ADAM2: variants seen among roughly 807,000 people sequenced by gnomAD.
ADAM2 encodes the protein disintegrin and metalloproteinase domain-containing protein 2.
Under a neutral mutation model 99.3 loss-of-function variants are expected in ADAM2, and 101 were observed. The ratio of observed to expected loss-of-function variants is 1.02; its 90% CI spans 0.87 to 1.20. The LOEUF is 1.20. Among genes scored for constraint, ADAM2 ranks in the 50% most tolerant of loss-of-function variants. The pLI, the probability that ADAM2 is intolerant of heterozygous loss-of-function variation, is 0.00. For synonymous variants in ADAM2, 323 were observed against 287.6 expected (o/e 1.12, Z -1.25); for missense variants, 948 against 878.7 (o/e 1.08, Z -1.00).
chr8:39,829,961 A>G lies in ADAM2; in HGVS notation c.188+3983T>C, dbSNP rs548849414. 7.2e-5 allele frequency among the ~76,000 whole-genome samples: 11 copies of G among 152,230 alleles called. No homozygotes were observed. The South Asian group carries it at 2.3e-3, about 32-fold the overall frequency. On this transcript the variant is annotated intron_variant, in intron 3 of 20. Coordinates refer to ENST00000265708, the MANE Select transcript of ADAM2 (RefSeq NM_001464.5). ...GATAATAAATTCTAAATAAAATCAG[A>G]GAAATGGATATCACAACAATCCAGA... is the stretch of plus-strand genomic sequence containing the variant.
At chr8:39,803,615 T>G (rs1804307711) in intron 7 of ADAM2, among the ~76,000 whole-genome samples, 2 of 152,216 alleles carry the variant, frequency 1.3e-5, no homozygotes. Context: ...TGATGCCTCG[T>G]TCATTAATTG....
chr8:39,836,693 T>TTC (rs1408264228), intron 2 of ADAM2, among the ~76,000 whole-genome samples: 1 of 151,556 alleles, frequency 6.6e-6, no homozygotes, highest in Non-Finnish European at 1.5e-5. Flanking sequence ...AAAGAAAGAG[T>TTC]TCTAATCATT....
At chr8:39,800,069 G>A (rs902220801) in intron 7 of ADAM2, among the ~76,000 whole-genome samples, 13 of 150,862 alleles carry the variant, frequency 8.6e-5, no homozygotes, top group African/African-American at 3.0e-4. Flanking sequence ...CCTGTCACAT[G>A]GTGCTATTTG....
chr8:39,784,834 G>C (rs1312107790), intron 10 of ADAM2, among the ~76,000 whole-genome samples: 2 of 152,106 alleles, frequency 1.3e-5, no homozygotes, highest in Non-Finnish European at 2.9e-5. Flanking sequence ...TATGTTGTTG[G>C]CCATTTGTAT....
chr8:39,779,270 G>A (rs938270648), intron 10 of ADAM2, among the ~76,000 whole-genome samples: 2 of 152,024 alleles, frequency 1.3e-5, no homozygotes, highest in African/African-American at 4.8e-5. Context: ...GACCTTTTTG[G>A]CTTGTGATAG....
chr8:39,826,603 G>A (rs1805411427), intron 3 of ADAM2, among the ~76,000 whole-genome samples: 1 of 151,788 alleles, frequency 6.6e-6, no homozygotes, highest in African/African-American at 2.4e-5. Context: ...GGCGCCTGTA[G>A]TCCCAGCTAC....
intron 1 of ADAM2, among the ~76,000 whole-genome samples, chr8:39,837,733 T>G (rs1805900582): frequency 1.3e-5 from 2 of 152,164 alleles, no homozygotes; most frequent in Admixed American, 1.3e-4. Flanking sequence ...AGTATTGCCC[T>G]GTAGGTAGGA....
chr8:39,801,555 T>C (rs1411683863), intron 7 of ADAM2, among the ~76,000 whole-genome samples: 1 of 152,120 alleles, frequency 6.6e-6, no homozygotes, highest in Non-Finnish European at 1.5e-5. Flanking sequence ...GGAGAGGGTG[T>C]GTTTTACTAG....
At chr8:39,833,622 C>A (rs1805702550) in intron 3 of ADAM2, among the ~76,000 whole-genome samples, 2 of 151,854 alleles carry the variant, frequency 1.3e-5, no homozygotes. Context: ...TTGAAATATA[C>A]CTTGAATATA....
intron 6 of ADAM2, among the ~76,000 whole-genome samples, chr8:39,813,952 A>C (rs1296505669): frequency 6.6e-6 from 1 of 151,764 alleles, no homozygotes; most frequent in Non-Finnish European, 1.5e-5. Context: ...ATATGTAAAT[A>C]AATGTGTGTG....
chr8:39,833,869 T>C (rs1217690549), intron 3 of ADAM2, 75 bp downstream of exon 3: 3 of 822,562 alleles, frequency 3.6e-6, no homozygotes, highest in Non-Finnish European at 6.2e-6. Flanking sequence ...TACAAAATAA[T>C]TACATTCTGG....
chr8:39,754,275 G>A (rs1333793837), intron 16 of ADAM2, among the ~76,000 whole-genome samples: 1 of 152,144 alleles, frequency 6.6e-6, no homozygotes, highest in Admixed American at 6.5e-5. Context: ...TGTAAAGGAG[G>A]ATCACAAACA....
intron 7 of ADAM2, among the ~76,000 whole-genome samples, chr8:39,791,076 G>A (rs942126384): frequency 6.6e-6 from 1 of 151,416 alleles, no homozygotes. Flanking sequence ...AAAAAAGGAT[G>A]TAAGGCCTCG....
chr8:39,771,619 C>G (rs574865501), intron 11 of ADAM2, among the ~76,000 whole-genome samples: 1 of 151,964 alleles, frequency 6.6e-6, no homozygotes. Flanking sequence ...TGGATTATCA[C>G]AAGAAAATGT....
chr8:39,769,680 AGTCTGTGAGT>A lies in ADAM2; in HGVS notation c.1029-115_1029-106del, dbSNP rs1373895622. 3 of 669,560 alleles carry A rather than the reference AGTCTGTGAGT, an allele frequency of 4.5e-6. No individual in the cohort carries two copies. The African/African-American group carries it at 5.4e-5, about 12-fold the overall frequency. 41.5% of individuals were successfully genotyped at this position (669,560 alleles called of 1,614,324 possible). A position where few individuals can be genotyped will look rare whatever the true frequency, so the allele number is the denominator to read the frequency against. On this transcript the variant is annotated intron_variant, in intron 11 of 20. Transcript: ENST00000265708. ...CATTCCACAACAGACCAAATTCCCA[AGTCTGTGAGT>A]GTCAATGCTTTCAATCTCTGTGCAT...
At chr8:39,796,020 CAGAAAT>C (rs950299097) in intron 7 of ADAM2, among the ~76,000 whole-genome samples, 3 of 151,784 alleles carry the variant, frequency 2.0e-5, no homozygotes, top group Non-Finnish European at 2.9e-5. Flanking sequence ...GAACATGTGT[CAGAAAT>C]AGAGTATATA....
intron 19 of ADAM2, 89 bp from the exon 20 acceptor site, chr8:39,744,982 G>T: frequency 1.9e-6 from 2 of 1,045,934 alleles, no homozygotes; most frequent in South Asian, 1.6e-5. Context: ...AAACAGTTCT[G>T]AATTTTTACC....
At position 39,824,894 on chromosome 8, in the gene ADAM2, G is replaced by T; in HGVS notation, c.192C>A (p.Asn64Lys). The part of the protein sequence containing the change: ...KPYTVNLMQK[N>K]FLPHNFRVYS... Reference sequence around the variant, plus strand: ...AAACTCTAAAATTATGGGGTAAAAAGTTTCTGTAACATAAAGATAAAATGG... The same window carrying T: ...AAACTCTAAAATTATGGGGTAAAAATTTTCTGTAACATAAAGATAAAATGG... Residue 64 changes from asparagine (N) to lysine (K), a missense_variant, in exon 4 of 21, where the codon AAC (asparagine) becomes AAA (lysine). Coordinates refer to ENST00000265708, the MANE Select transcript of ADAM2 (RefSeq NM_001464.5). 8 of 1,431,364 alleles carry T rather than the reference G, an allele frequency of 5.6e-6. No homozygotes were observed. The highest frequency in any genetic ancestry group is 7.8e-6 in the Non-Finnish European group (8 of 1,025,992). The allele number at this position is 1,431,364 out of a possible 1,614,324, so 88.7% of individuals were successfully genotyped here. A position where few individuals can be genotyped will look rare whatever the true frequency, so the allele number is the denominator to read the frequency against.
intron 16 of ADAM2, among the ~76,000 whole-genome samples, 176 bp from the exon 17 acceptor site, chr8:39,749,920 G>T (rs563749161): frequency 6.6e-6 from 1 of 152,138 alleles, no homozygotes; most frequent in African/African-American, 2.4e-5. Context: ...TATGTTTCCA[G>T]CACTAGATGA....
Sources: allele counts gnomAD v4.1 joint callset (sites outside exome capture counted in the v4.1 genomes callset), GRCh38; gene constraint gnomAD v4.1.1; transcripts MANE v1.5; gene names NCBI Gene and HGNC (gene_info 2026-07-23, HGNC 2026-07-21).